The following DCAF17 variants were observed in gnomAD, a reference collection of about 807,000 sequenced individuals.
DCAF17 encodes DDB1- and CUL4-associated factor 17.
In DCAF17, 48 loss-of-function variants were observed where a neutral mutation model predicts 66.0. The ratio of observed to expected loss-of-function variants is 0.73; its 90% confidence interval spans 0.58 to 0.92. DCAF17 has a LOEUF of 0.92. DCAF17 is among the 40% of genes least tolerant of loss of function. The pLI, the probability that DCAF17 is intolerant of heterozygous loss-of-function variation, is 0.00. For missense variants in DCAF17, 562 were observed against 622.8 expected, an observed-to-expected ratio of 0.90 and a Z score of 1.04; for synonymous variants, 206 against 214.6, an observed-to-expected ratio of 0.96 and a Z score of 0.35.
chr2:171,474,638 C>T (rs1696412416), intron 10 of DCAF17, among the ~76,000 whole-genome samples: 1 of 152,140 alleles, frequency 6.6e-6, no homozygotes, highest in Non-Finnish European at 1.5e-5. Flanking sequence ...AATGTATATA[C>T]CAGCCTCAAC....
chr2:171,434,432 T>A lies in DCAF17; in HGVS notation c.-146T>A. 32 of 1,416,824 alleles carry A rather than the reference T, an allele frequency of 2.3e-5. No individual in the cohort carries two copies. Among genetic ancestry groups the A allele is most frequent in the Non-Finnish European group, 3.1e-5 (32 of 1,044,070 alleles). 87.8% of individuals were successfully genotyped at this position (1,416,824 alleles called of 1,614,324 possible). On this transcript the variant is annotated 5_prime_UTR_variant, in exon 1 of 14. Coordinates refer to ENST00000375255, the MANE Select transcript of DCAF17 (RefSeq NM_025000.4). ...CCTCGCCCCGCCGTCGGGTGCTCCC[T>A]GCCCGCCTCCCCGTGTCAGCTTTCC...
At chr2:171,463,240 A>AAC (rs1695698924) in intron 8 of DCAF17, among the ~76,000 whole-genome samples, 1 of 151,524 alleles carries the variant, frequency 6.6e-6, no homozygotes, top group Non-Finnish European at 1.5e-5. Context: ...AAAAAAAAAA[A>AAC]CAGAAAGAAG....
intron 5 of DCAF17, among the ~76,000 whole-genome samples, chr2:171,450,823 C>T (rs1266951213): frequency 6.6e-6 from 1 of 152,076 alleles, no homozygotes; most frequent in Non-Finnish European, 1.5e-5. Flanking sequence ...TCAGCACACT[C>T]CTTTCAGTAG....
chr2:171,480,365 C>G (rs1413078138), intron 13 of DCAF17, among the ~76,000 whole-genome samples, 172 bp downstream of exon 13: 1 of 152,116 alleles, frequency 6.6e-6, no homozygotes, highest in African/African-American at 2.4e-5. Flanking sequence ...GCCTTCCTCC[C>G]CTGGGCACTA....
chr2:171,462,735 A>G (rs1043985642), intron 8 of DCAF17, among the ~76,000 whole-genome samples: 1 of 152,242 alleles, frequency 6.6e-6, no homozygotes, highest in African/African-American at 2.4e-5. Flanking sequence ...TCACTTGTAC[A>G]GAAAGTGATA....
intron 3 of DCAF17, chr2:171,447,413 T>G: frequency 3.0e-6 from 1 of 337,456 alleles, no homozygotes; most frequent in South Asian, 2.2e-5. Flanking sequence ...CAGGCTGGAG[T>G]GCAGTGGCAC....
Position 171,483,636 on chromosome 2 carries a change from G to T in DCAF17, c.*2522G>T. ...CATTCTTCCACCAATTGAAAGTTTTGTATCTTACAGTTCTTTTTTTAAATA... is the reference window on the plus strand; with the variant it reads ...CATTCTTCCACCAATTGAAAGTTTTTTATCTTACAGTTCTTTTTTTAAATA... On this transcript the variant is annotated 3_prime_UTR_variant, in exon 14 of 14. Transcript: ENST00000375255. 1 of 453,918 alleles carries T rather than the reference G, an allele frequency of 2.2e-6. No homozygotes were observed. Among genetic ancestry groups the T allele is most frequent in the Non-Finnish European group, 4.4e-6 (1 of 226,766 alleles). 28.1% of individuals were successfully genotyped at this position (453,918 alleles called of 1,614,324 possible).
chr2:171,458,542 A>ACTAT, intron 8 of DCAF17, 65 bp downstream of exon 8: 4 of 1,191,278 alleles, frequency 3.4e-6, no homozygotes, highest in Admixed American at 1.8e-5. Context: ...ATAGTTATTA[A>ACTAT]TTATAGTCAT....
chr2:171,476,939 G>A lies in DCAF17; in HGVS notation c.1171G>A (p.Glu391Lys). Residue 391 changes from glutamate (E) to lysine (K), a missense_variant, in exon 11 of 14, where the codon GAG (glutamate) becomes AAG (lysine). Coordinates refer to ENST00000375255, the MANE Select transcript of DCAF17 (RefSeq NM_025000.4). ...SEDFVILANR[E>K]NHKNENVLTV... The stretch of plus-strand genomic sequence containing the variant: ...AGATTTTGTCATTTTGGCCAACAGG[G>A]AGAACCATAAAGTAAGTCAAGAGTA... The A allele has an allele frequency of 6.2e-7, 1 of 1,612,256 alleles. No homozygotes were observed. Among genetic ancestry groups the A allele is most frequent in the Non-Finnish European group, 8.5e-7 (1 of 1,178,528 alleles).
chr2:171,473,159 T>C (rs1338708231), intron 9 of DCAF17, among the ~76,000 whole-genome samples: 3 of 152,218 alleles, frequency 2.0e-5, no homozygotes, highest in Non-Finnish European at 4.4e-5. Context: ...TACATGTTCA[T>C]TTTTTGTTAT....
chr2:171,440,223 T>C (rs1694229029), intron 2 of DCAF17, among the ~76,000 whole-genome samples: 1 of 152,234 alleles, frequency 6.6e-6, no homozygotes, highest in Non-Finnish European at 1.5e-5. Context: ...TTCAAACTTT[T>C]GTATTTTGCC....
intron 10 of DCAF17, among the ~76,000 whole-genome samples, chr2:171,475,102 C>G (rs1696436295): frequency 6.6e-6 from 1 of 152,222 alleles, no homozygotes; most frequent in Admixed American, 6.5e-5. Context: ...TCAGTTTACT[C>G]TAGTCATGCT....
chr2:171,481,064 A>T lies in DCAF17; in HGVS notation c.1513A>T (p.Met505Leu). Residue 505 changes from methionine (M) to leucine (L), a missense_variant, in exon 14 of 14, where the codon ATG (methionine) becomes TTG (leucine). Met to Leu is a conservative substitution (Grantham distance 15). Transcript: ENST00000375255. ...AGTCTTCAGCTGCTATGTTTACCAG[A>T]TGATATGTGACACTGGGGAAGAAGA... Reference protein sequence around the residue: ...NRVFSCYVYQMICDTGEEEET... With the variant: ...NRVFSCYVYQLICDTGEEEET... 1 of 1,613,846 alleles carries T rather than the reference A, an allele frequency of 6.2e-7. No individual in the cohort carries two copies. Among genetic ancestry groups the T allele is most frequent in the South Asian group, 1.1e-5 (1 of 91,078 alleles).
intron 5 of DCAF17, among the ~76,000 whole-genome samples, chr2:171,450,946 C>G: frequency 6.6e-6 from 1 of 151,816 alleles, no homozygotes; most frequent in Non-Finnish European, 1.5e-5. Flanking sequence ...CAGTTTAGCT[C>G]TAGAGTCCCT....
At chr2:171,463,272 G>A (rs1233468831) in intron 8 of DCAF17, among the ~76,000 whole-genome samples, 2 of 148,354 alleles carry the variant, frequency 1.3e-5, no homozygotes, top group Non-Finnish European at 1.5e-5. Flanking sequence ...CACTGGTATA[G>A]GATAATTTCC....
intron 2 of DCAF17, among the ~76,000 whole-genome samples, chr2:171,439,155 A>G (rs1694145274): frequency 6.6e-6 from 1 of 151,844 alleles, no homozygotes; most frequent in Admixed American, 6.6e-5. Context: ...TTTTCTCTTC[A>G]CTTTTGATTT....
In DCAF17 at chr2:171,481,332, G is replaced by A. The variant is rs1475783815; in HGVS notation, c.*218G>A. ...GTTTTTTAGAATACTGTTCCAAGAAGTTTAGTGTTTTGCAGCTTTGAGCTA... is the reference window on the plus strand; with the variant it reads ...GTTTTTTAGAATACTGTTCCAAGAAATTTAGTGTTTTGCAGCTTTGAGCTA... On this transcript the variant is annotated 3_prime_UTR_variant, in exon 14 of 14. Coordinates refer to ENST00000375255, the MANE Select transcript of DCAF17 (RefSeq NM_025000.4). The A allele has an allele frequency of 3.1e-6, 2 of 637,416 alleles. No homozygotes were observed. The highest frequency in any genetic ancestry group is 3.3e-5 in the East Asian group (1 of 30,400). The allele number at this position is 637,416 out of a possible 1,614,324, so 39.5% of individuals were successfully genotyped here. A position where few individuals can be genotyped will look rare whatever the true frequency, so the allele number is the denominator to read the frequency against.
chr2:171,453,252 G>A, intron 6 of DCAF17, 39 bp downstream of exon 6: 2 of 1,411,680 alleles, frequency 1.4e-6, no homozygotes, highest in Non-Finnish European at 9.9e-7. Context: ...ATATTTTATT[G>A]ACAATAAGTT....
At chr2:171,467,727 CAAAAAAAAAAAA>C (rs34238683) in intron 8 of DCAF17, among the ~76,000 whole-genome samples, 6 of 68,744 alleles carry the variant, frequency 8.7e-5, no homozygotes, top group Non-Finnish European at 1.7e-4. Flanking sequence ...GAGACTGTCT[CAAAAAAAAAAAA>C]AAAAAAAAAA....
Sources: allele counts gnomAD v4.1 joint callset (sites outside exome capture counted in the v4.1 genomes callset), GRCh38; gene constraint gnomAD v4.1.1; transcripts MANE v1.5; gene names NCBI Gene and HGNC (gene_info 2026-07-23, HGNC 2026-07-21).